The following AFG2A variants were observed in gnomAD, a reference collection of about 807,000 sequenced individuals.
AFG2A encodes the protein ATPase family gene 2 protein homolog A.
chr4:123,266,791 C>T, the AFG2A span, among the ~76,000 whole-genome samples: 3 of 151,982 alleles, frequency 2.0e-5, no homozygotes, highest in African/African-American at 4.8e-5. Context: ...TTAATTGCTA[C>T]TTTCTCACCT....
At chr4:123,249,097 T>C in the AFG2A span, among the ~76,000 whole-genome samples, 1 of 152,234 alleles carries the variant, frequency 6.6e-6, no homozygotes, top group Non-Finnish European at 1.5e-5. Context: ...GCCCTCACTT[T>C]TAACCTTGTA....
chr4:123,073,905 A>G, the AFG2A span, among the ~76,000 whole-genome samples: 1 of 152,134 alleles, frequency 6.6e-6, no homozygotes, highest in Non-Finnish European at 1.5e-5. Context: ...TACCTGTTTT[A>G]ATATTAGTCA....
At chr4:123,203,264 C>T in the AFG2A span, among the ~76,000 whole-genome samples, 5 of 151,982 alleles carry the variant, frequency 3.3e-5, no homozygotes, top group African/African-American at 1.2e-4. Flanking sequence ...GATTCTCCTG[C>T]CCCAGCCTCC....
At chr4:123,151,848 T>A in the AFG2A span, among the ~76,000 whole-genome samples, 7 of 152,254 alleles carry the variant, frequency 4.6e-5, no homozygotes, top group South Asian at 1.2e-3. Context: ...GCAGCACTAT[T>A]CACAATAGTA....
the AFG2A span, among the ~76,000 whole-genome samples, chr4:123,261,653 C>T: frequency 2.7e-4 from 41 of 152,246 alleles, no homozygotes; most frequent in African/African-American, 9.6e-4. Flanking sequence ...TCTTTCCTTA[C>T]ACGACCTACT....
chr4:123,256,525 T>G, the AFG2A span, among the ~76,000 whole-genome samples: 13 of 152,328 alleles, frequency 8.5e-5, no homozygotes, highest in South Asian at 2.7e-3. Context: ...TTTGCGTTCT[T>G]TACCCATCAA....
chr4:123,209,363 T>G, the AFG2A span, among the ~76,000 whole-genome samples: 1 of 152,118 alleles, frequency 6.6e-6, no homozygotes, highest in Admixed American at 6.5e-5. Context: ...CCCATATATT[T>G]AGGGTTATAA....
the AFG2A span, among the ~76,000 whole-genome samples, chr4:122,956,270 T>G: frequency 6.6e-6 from 1 of 152,154 alleles, no homozygotes; most frequent in East Asian, 1.9e-4. Flanking sequence ...GAGTAGGAGT[T>G]CTACAGTGAG....
the AFG2A span, among the ~76,000 whole-genome samples, chr4:123,263,198 G>A: frequency 2.0e-5 from 3 of 152,194 alleles, no homozygotes; most frequent in Non-Finnish European, 4.4e-5. Flanking sequence ...TGTGTCCAAA[G>A]CCACCACTAG....
chr4:123,271,713 C>A, the AFG2A span, among the ~76,000 whole-genome samples: 4 of 152,270 alleles, frequency 2.6e-5, no homozygotes, highest in Admixed American at 2.0e-4. Context: ...CAGAAAATTA[C>A]CTGGGTGCTT....
chr4:123,093,351 T>C, the AFG2A span, among the ~76,000 whole-genome samples: 1 of 151,920 alleles, frequency 6.6e-6, no homozygotes, highest in Non-Finnish European at 1.5e-5. Flanking sequence ...CACAAATTGA[T>C]TCTATGAAAG....
At chr4:123,276,930 G>A in the AFG2A span, among the ~76,000 whole-genome samples, 7 of 152,066 alleles carry the variant, frequency 4.6e-5, no homozygotes, top group Admixed American at 2.6e-4. Context: ...CTCCAACTTT[G>A]TTCAGTTTGC....
the AFG2A span, among the ~76,000 whole-genome samples, chr4:122,930,958 C>CTTAAAAA: frequency 4.6e-5 from 1 of 21,954 alleles, no homozygotes. Context: ...TTAAATGTGG[C>CTTAAAAA]AGCAGAGTAT....
At chr4:123,082,529 T>C in the AFG2A span, among the ~76,000 whole-genome samples, 257 of 87,498 alleles carry the variant, frequency 2.9e-3, 3 homozygotes, top group Middle Eastern at 0.03. Context: ...TTTTCTTTTT[T>C]TTTTTTTTTG....
chr4:123,005,200 G>T, the AFG2A span, among the ~76,000 whole-genome samples: 1 of 151,998 alleles, frequency 6.6e-6, no homozygotes, highest in African/African-American at 2.4e-5. Context: ...GGCCAGGCTG[G>T]AGTGCAATGG....
the AFG2A span, among the ~76,000 whole-genome samples, chr4:123,230,533 C>T: frequency 6.6e-6 from 1 of 151,858 alleles, no homozygotes; most frequent in African/African-American, 2.4e-5. Flanking sequence ...CAAAGTTATT[C>T]CTGAGGGTTG....
At chr4:123,252,094 TA>T in the AFG2A span, among the ~76,000 whole-genome samples, 1 of 152,202 alleles carries the variant, frequency 6.6e-6, no homozygotes, top group African/African-American at 2.4e-5. Context: ...ATATTTTTAT[TA>T]CCCATTAATA....
At chr4:123,087,060 T>G in the AFG2A span, among the ~76,000 whole-genome samples, 2 of 152,248 alleles carry the variant, frequency 1.3e-5, no homozygotes, top group Admixed American at 6.5e-5. Context: ...CATTTGACTT[T>G]GCTTTTGATG....
At chr4:123,119,025 C>T in the AFG2A span, among the ~76,000 whole-genome samples, 1 of 152,042 alleles carries the variant, frequency 6.6e-6, no homozygotes, top group Non-Finnish European at 1.5e-5. Flanking sequence ...ACTTAAGATA[C>T]TCTGAGGTAC....
Sources: gnomAD v4.1 joint callset for allele counts (sites outside exome capture counted in the v4.1 genomes callset) on GRCh38, gnomAD v4.1.1 for gene constraint, MANE v1.5 for transcripts, NCBI Gene and HGNC (gene_info 2026-07-23, HGNC 2026-07-21) for gene names.